TRIM54: variants seen among roughly 807,000 people sequenced by gnomAD.
The protein encoded by TRIM54 is tripartite motif containing 54, also known as tripartite motif-containing protein 54.
In TRIM54, 40 loss-of-function variants were observed where a neutral mutation model predicts 42.0. The ratio of observed to expected loss-of-function variants is 0.95; its 90% CI spans 0.74 to 1.24. The LOEUF is 1.24. Among genes scored for constraint, TRIM54 ranks in the 50% most tolerant of loss-of-function variants. The pLI is 0.00. For synonymous variants in TRIM54, 199 were observed against 194.9 expected (o/e 1.02, Z -0.17); for missense variants, 485 against 480.3 (o/e 1.01, Z -0.09).
chr2:27,306,160 T>TGGGGCTTGAGAGTGCTGGGGC lies in TRIM54; in HGVS notation c.867-52_867-32dup. On this transcript the variant is annotated intron_variant, in intron 6 of 8. Coordinates refer to ENST00000380075, the MANE Select transcript of TRIM54 (RefSeq NM_187841.3). The surrounding 1 kb of genome is among the most constrained non-coding windows in gnomAD (Gnocchi z 6.1). ...GGCTGCACTGCTCCACTGGCTGGGG[T>TGGGGCTTGAGAGTGCTGGGGC]GGGGCTTGAGAGTGCTGGGGCATTG... 2 of 1,612,554 alleles carry TGGGGCTTGAGAGTGCTGGGGC rather than the reference T, an allele frequency of 1.2e-6. No individual in the cohort carries two copies. The highest frequency in any genetic ancestry group is 2.2e-5 in the East Asian group (1 of 44,856).
chr2:27,284,380 C>G (rs965724999), intron 1 of TRIM54, among the ~76,000 whole-genome samples: 4 of 152,182 alleles, frequency 2.6e-5, no homozygotes, highest in Non-Finnish European at 5.9e-5. Context: ...TACCCTGTGA[C>G]CCACACCTTG....
At chr2:27,293,091 G>A (rs1236853614) in intron 1 of TRIM54, among the ~76,000 whole-genome samples, 4 of 152,102 alleles carry the variant, frequency 2.6e-5, no homozygotes, top group East Asian at 3.8e-4. Context: ...GATTCTTGGA[G>A]TATCTGTCCC....
At chr2:27,301,617 C>T (rs539715057) in intron 3 of TRIM54, among the ~76,000 whole-genome samples, 128 of 152,214 alleles carry the variant, frequency 8.4e-4, no homozygotes, top group Non-Finnish European at 1.5e-3. Context: ...CTCTCATTGG[C>T]GTCTTGGTTT....
intron 1 of TRIM54, among the ~76,000 whole-genome samples, chr2:27,289,181 A>G (rs541168324): frequency 2.0e-5 from 3 of 152,294 alleles, no homozygotes; most frequent in South Asian, 2.1e-4. Context: ...CCGTGGACCA[A>G]TGTCAGTGTG....
At chr2:27,284,700 T>G (rs1219559840) in intron 1 of TRIM54, among the ~76,000 whole-genome samples, 1 of 152,020 alleles carries the variant, frequency 6.6e-6, no homozygotes, top group Non-Finnish European at 1.5e-5. Context: ...GGCAGAAAGA[T>G]TTTGCCATCC....
chr2:27,283,990 G>T (rs992971941), intron 1 of TRIM54, among the ~76,000 whole-genome samples: 4 of 152,004 alleles, frequency 2.6e-5, no homozygotes, highest in Admixed American at 6.6e-5. Flanking sequence ...AAAATTAGCC[G>T]GGCGTGGTTG....
chr2:27,287,719 A>G (rs1046815096), intron 1 of TRIM54, among the ~76,000 whole-genome samples: 1 of 152,054 alleles, frequency 6.6e-6, no homozygotes, highest in Non-Finnish European at 1.5e-5. Context: ...TGTACAGACA[A>G]AGTCTTACTA....
intron 3 of TRIM54, among the ~76,000 whole-genome samples, chr2:27,300,314 G>T (rs1016415454): frequency 7.2e-5 from 11 of 151,996 alleles, no homozygotes; most frequent in Non-Finnish European, 1.6e-4. Context: ...TGGGATTATA[G>T]GCGCCTACCA....
At chr2:27,300,587 A>C (rs1287795110) in intron 3 of TRIM54, among the ~76,000 whole-genome samples, 3 of 152,078 alleles carry the variant, frequency 2.0e-5, no homozygotes, top group African/African-American at 7.2e-5. Context: ...AGTAGTACTA[A>C]TAATAATATT....
At chr2:27,297,960 A>G (rs1168418798) in intron 1 of TRIM54, among the ~76,000 whole-genome samples, 1 of 143,610 alleles carries the variant, frequency 7.0e-6, no homozygotes, top group African/African-American at 2.7e-5. Flanking sequence ...CAGCCTGGGC[A>G]TCAGAGAAAG....
intron 5 of TRIM54, 88 bp from the exon 6 acceptor site, chr2:27,305,992 A>C: frequency 6.4e-7 from 1 of 1,555,850 alleles, no homozygotes; most frequent in Non-Finnish European, 8.8e-7. Flanking sequence ...CTTCCCACCT[A>C]CCCCGCAGGA....
At chr2:27,300,237 T>C (rs1170941670) in intron 3 of TRIM54, among the ~76,000 whole-genome samples, 1 of 152,190 alleles carries the variant, frequency 6.6e-6, no homozygotes, top group Non-Finnish European at 1.5e-5. Flanking sequence ...AATGGCACGA[T>C]CTCGGCTCAC....
At chr2:27,299,577 C>CACA in intron 3 of TRIM54, 161 bp downstream of exon 3, 1 of 1,460,728 alleles carries the variant, frequency 6.8e-7, no homozygotes, top group Non-Finnish European at 9.3e-7. Context: ...GTGGCACAAA[C>CACA]ACAACTTACT....
chr2:27,287,765 G>A (rs560627210), intron 1 of TRIM54, among the ~76,000 whole-genome samples: 38 of 152,350 alleles, frequency 2.5e-4, no homozygotes, highest in African/African-American at 8.9e-4. Flanking sequence ...CTGGCCTCAA[G>A]CGATCCTCTC....
intron 1 of TRIM54, among the ~76,000 whole-genome samples, chr2:27,293,237 C>A (rs1470813275): frequency 6.6e-6 from 1 of 152,136 alleles, no homozygotes; most frequent in Non-Finnish European, 1.5e-5. Flanking sequence ...CTGACTCAAC[C>A]CACTGTGTTT....
chr2:27,292,215 T>C (rs1219289036), intron 1 of TRIM54, among the ~76,000 whole-genome samples: 1 of 152,226 alleles, frequency 6.6e-6, no homozygotes, highest in African/African-American at 2.4e-5. Flanking sequence ...CAGTTCTGGC[T>C]GTGGGGAGTT....
At chr2:27,284,212 C>T (rs542672139) in intron 1 of TRIM54, among the ~76,000 whole-genome samples, 2 of 152,162 alleles carry the variant, frequency 1.3e-5, no homozygotes. Flanking sequence ...ATGGAACATC[C>T]CAAACAAGTA....
chr2:27,298,266 T>C (rs1405763746), intron 1 of TRIM54, among the ~76,000 whole-genome samples: 1 of 152,166 alleles, frequency 6.6e-6, no homozygotes, highest in Non-Finnish European at 1.5e-5. Flanking sequence ...TGTCTCCCCA[T>C]GGCTCCAAGC....
chr2:27,289,496 A>G (rs1242310623), intron 1 of TRIM54, among the ~76,000 whole-genome samples: 4 of 152,122 alleles, frequency 2.6e-5, no homozygotes, highest in African/African-American at 9.7e-5. Context: ...TTGTATTTTT[A>G]GTAGAGACAG....
Sources: gnomAD v4.1 joint callset for allele counts (sites outside exome capture counted in the v4.1 genomes callset) on GRCh38, gnomAD v4.1.1 for gene constraint, Gnocchi (gnomAD v3.1) non-coding constraint, MANE v1.5 for transcripts, NCBI Gene and HGNC (gene_info 2026-07-23, HGNC 2026-07-21) for gene names.